Variants in PXDNL observed in about 807,000 individuals in gnomAD.
The protein encoded by PXDNL is probable oxidoreductase PXDNL.
Under a neutral mutation model 150.8 loss-of-function variants are expected in PXDNL, and 145 were observed. The ratio of observed to expected loss-of-function variants is 0.96; its 90% CI spans 0.84 to 1.10. The LOEUF is 1.10. Among genes scored for constraint, PXDNL ranks in the 50% least tolerant of loss-of-function variants. PXDNL has a pLI of 0.00. For synonymous variants in PXDNL, 757 were observed against 725.7 expected, an observed-to-expected ratio of 1.04 and a Z score of -0.69; for missense variants, 2,087 against 1,873.9, an observed-to-expected ratio of 1.11 and a Z score of -2.10.
At chr8:51,580,389 AT>A (rs1221364802) in intron 3 of PXDNL, among the ~76,000 whole-genome samples, 5 of 152,266 alleles carry the variant, frequency 3.3e-5, no homozygotes, top group Admixed American at 3.3e-4. Flanking sequence ...AAAACATTTT[AT>A]TTAAAAAATG....
intron 8 of PXDNL, among the ~76,000 whole-genome samples, chr8:51,462,648 A>G (rs903115728): frequency 6.6e-6 from 1 of 152,220 alleles, no homozygotes; most frequent in Non-Finnish European, 1.5e-5. Context: ...ATATGGGATT[A>G]CATAAGGAGA....
chr8:51,471,851 T>A lies in PXDNL; in HGVS notation c.812+336A>T, dbSNP rs549918845. The stretch of plus-strand genomic sequence containing the variant: ...ACAGGCGCTCACCACCACGCCCAGC[T>A]AATTTTTTGTATTTTTAGTAGAGAC... On this transcript the variant is annotated intron_variant, in intron 8 of 22. Transcript: ENST00000356297. 3.3e-5 allele frequency among the ~76,000 whole-genome samples: 5 copies of A among 152,012 alleles called. No homozygotes were observed. In the East Asian group the frequency reaches 9.7e-4, roughly 29 times the overall value.
intron 1 of PXDNL, among the ~76,000 whole-genome samples, chr8:51,670,052 C>T (rs1216331143): frequency 6.6e-6 from 1 of 152,170 alleles, no homozygotes; most frequent in Non-Finnish European, 1.5e-5. Flanking sequence ...GCCTGGCCAA[C>T]ATGGTGAAAC....
In PXDNL at chr8:51,529,892, G is replaced by A. The variant is rs138480555; in HGVS notation, c.380+26948C>T. Among the ~76,000 whole-genome samples, 12 of 152,290 alleles carry A rather than the reference G, an allele frequency of 7.9e-5. No homozygotes were observed. In the East Asian group the frequency reaches 2.3e-3, roughly 29 times the overall value. On this transcript the variant is annotated intron_variant, in intron 4 of 22. Transcript: ENST00000356297. ...GGCTGTCCCATGCTTGGTAAGAAGTGTAGCAGCATCCCTGGCCTCTACTTA... is the reference window on the plus strand; with the variant it reads ...GGCTGTCCCATGCTTGGTAAGAAGTATAGCAGCATCCCTGGCCTCTACTTA...
rs578176135 is a variant in PXDNL at position 51,662,900 on chromosome 8, G to C, written c.165-8140C>G. ...GGGTGCACATTTCATCAACATCCCA[G>C]TTTTTATAAACATCCAGTACTACTT... is the stretch of plus-strand genomic sequence containing the variant. On this transcript the variant is annotated intron_variant, in intron 1 of 22. Coordinates refer to ENST00000356297, the MANE Select transcript of PXDNL (RefSeq NM_144651.5). 3.9e-5 allele frequency among the ~76,000 whole-genome samples: 6 copies of C among 152,322 alleles called. No homozygotes were observed. The East Asian group carries it at 1.2e-3, about 29-fold the overall frequency.
chr8:51,761,557 A>G (rs766478537), intron 1 of PXDNL, among the ~76,000 whole-genome samples: 7 of 152,230 alleles, frequency 4.6e-5, no homozygotes, highest in Admixed American at 1.3e-4. Context: ...ATATGCATAT[A>G]TAACGTATAT....
intron 1 of PXDNL, among the ~76,000 whole-genome samples, chr8:51,751,807 T>C (rs1304589589): frequency 1.3e-5 from 2 of 152,178 alleles, no homozygotes; most frequent in East Asian, 3.9e-4. Context: ...AAAAGTAAAT[T>C]CTTGTAGGAT....
chr8:51,365,828 T>C (rs1806898371), intron 19 of PXDNL, among the ~76,000 whole-genome samples: 1 of 152,090 alleles, frequency 6.6e-6, no homozygotes, highest in South Asian at 2.1e-4. Flanking sequence ...TTAAACAAAA[T>C]TATGGGAGAT....
chr8:51,581,173 C>G (rs1813203225), intron 3 of PXDNL, among the ~76,000 whole-genome samples: 1 of 152,088 alleles, frequency 6.6e-6, no homozygotes, highest in Non-Finnish European at 1.5e-5. Context: ...GTTAGGGTAA[C>G]AGTATGACTG....
chr8:51,494,697 T>C (rs1301764818), intron 5 of PXDNL, among the ~76,000 whole-genome samples: 51 of 152,230 alleles, frequency 3.4e-4, no homozygotes, highest in African/African-American at 1.2e-3. Context: ...CATTACATAA[T>C]GGTGAAGGGA....
In PXDNL at chr8:51,769,000, G is replaced by T. The variant is rs183136334; in HGVS notation, c.164+40181C>A. On this transcript the variant is annotated intron_variant, in intron 1 of 22. Coordinates refer to ENST00000356297, the MANE Select transcript of PXDNL (RefSeq NM_144651.5). ...ACCTGTAGTCCCAGCTACTCAGGAG[G>T]CTGAGGCAGGAGAATGGCGTGAACC... 4.4e-3 allele frequency among the ~76,000 whole-genome samples: 665 copies of T among 152,338 alleles called. 2 individuals are homozygous for T. The highest frequency in any genetic ancestry group is 7.6e-3 in the Non-Finnish European group (514 of 68,032).
intron 17 of PXDNL, among the ~76,000 whole-genome samples, chr8:51,376,940 G>A (rs1586048974): frequency 1.3e-5 from 2 of 152,134 alleles, no homozygotes; most frequent in South Asian, 2.1e-4. Context: ...GGATGGTCTC[G>A]ATCTCCTGAC....
At chr8:51,685,141 C>T (rs1815844412) in intron 1 of PXDNL, among the ~76,000 whole-genome samples, 1 of 152,200 alleles carries the variant, frequency 6.6e-6, no homozygotes, top group African/African-American at 2.4e-5. Context: ...TGCTTTTATT[C>T]TCTTCCCTTC....
intron 1 of PXDNL, among the ~76,000 whole-genome samples, chr8:51,660,035 G>A (rs28478150): frequency 0.12 from 18,529 of 151,700 alleles, 1,941 homozygotes; most frequent in African/African-American, 0.27. Context: ...GATTGCAGGC[G>A]CCCACCACCA....
intron 4 of PXDNL, among the ~76,000 whole-genome samples, chr8:51,521,170 A>C (rs750536995): frequency 2.0e-5 from 3 of 152,172 alleles, no homozygotes; most frequent in Non-Finnish European, 4.4e-5. Context: ...TGAGCCCAGG[A>C]GTATGAGGCT....
chr8:51,649,409 C>T (rs1298619786), intron 2 of PXDNL, among the ~76,000 whole-genome samples: 2 of 152,102 alleles, frequency 1.3e-5, no homozygotes, highest in Admixed American at 6.5e-5. Flanking sequence ...CCTTTTAAAT[C>T]TTGTCTAGAG....
At chr8:51,626,301 CT>C (rs1684136426) in intron 2 of PXDNL, among the ~76,000 whole-genome samples, 1 of 152,142 alleles carries the variant, frequency 6.6e-6, no homozygotes, top group Non-Finnish European at 1.5e-5. Context: ...GGCTTTTATT[CT>C]ATCTGATGTA....
In PXDNL at chr8:51,741,534, A is replaced by T. The variant is rs540503152; in HGVS notation, c.164+67647T>A. Among the ~76,000 whole-genome samples the T allele has an allele frequency of 2.0e-5, 3 of 152,328 alleles. No homozygotes were observed. The East Asian group carries it at 5.8e-4, about 29-fold the overall frequency. On this transcript the variant is annotated intron_variant, in intron 1 of 22. Transcript: ENST00000356297. The stretch of plus-strand genomic sequence containing the variant: ...TAAACAGCTAAAAAAGACAACTCGC[A>T]AAATTTGAAAAAGAAGAATTTACCG...
chr8:51,670,729 G>C (rs1815481816), intron 1 of PXDNL, among the ~76,000 whole-genome samples: 1 of 152,082 alleles, frequency 6.6e-6, no homozygotes, highest in South Asian at 2.1e-4. Context: ...ATTTTACTAT[G>C]AGATTTGTTA....
Sources: allele counts gnomAD v4.1 joint callset (sites outside exome capture counted in the v4.1 genomes callset), GRCh38; gene constraint gnomAD v4.1.1; transcripts MANE v1.5; gene names NCBI Gene and HGNC (gene_info 2026-07-23, HGNC 2026-07-21).